MYO3B: variants seen among roughly 807,000 people sequenced by gnomAD.
The protein encoded by MYO3B is myosin IIIB.
A neutral mutation model predicts 174.6 loss-of-function variants in MYO3B; 156 were observed. That is an observed-to-expected ratio of 0.89 (90% CI 0.78 to 1.02). MYO3B has a LOEUF of 1.02. Among genes scored for constraint, MYO3B ranks in the 50% least tolerant of loss-of-function variants. The probability of loss-of-function intolerance (pLI) is 0.00; values close to 1 mark genes in which losing one functional copy is unlikely to be tolerated. For missense variants in MYO3B, 1,632 were observed against 1,639.4 expected (o/e 1.00, Z 0.08); for synonymous variants, 563 against 569.1 (o/e 0.99, Z 0.15).
chr2:170,437,673 A>G (rs2094764740), intron 22 of MYO3B, among the ~76,000 whole-genome samples: 2 of 152,276 alleles, frequency 1.3e-5, no homozygotes, highest in African/African-American at 4.8e-5. Context: ...GTAAATTTTT[A>G]TGCTTTTCAC....
chr2:170,371,613 A>G (rs1381091778), intron 9 of MYO3B, among the ~76,000 whole-genome samples: 1 of 152,008 alleles, frequency 6.6e-6, no homozygotes, highest in African/African-American at 2.4e-5. Context: ...TTTTCAGCCC[A>G]CCAGGAAAAA....
At chr2:170,463,473 G>T (rs1240228409) in intron 24 of MYO3B, 28 bp downstream of exon 24, 25 of 1,604,376 alleles carry the variant, frequency 1.6e-5, no homozygotes, top group Non-Finnish European at 2.1e-5. Flanking sequence ...TCTCTATTCT[G>T]CCTGCTTCCA....
rs140622821 is a variant in MYO3B at position 170,553,677 on chromosome 2, G to T, written c.3733+9689G>T. On this transcript the variant is annotated intron_variant, in intron 32 of 34. Coordinates refer to ENST00000408978, the MANE Select transcript of MYO3B (RefSeq NM_138995.5). ...CTTTGGGGGACTCTTGGGAAGGCAT[G>T]ATTGGTTTTGAAATGTGAGAAGGAC... Among the ~76,000 whole-genome samples the T allele has an allele frequency of 4.2e-3, 633 of 152,312 alleles. 7 individuals carry two copies. Among genetic ancestry groups the T allele is most frequent in the Middle Eastern group, 0.014 (4 of 294 alleles).
rs2094347851 is a variant in MYO3B at position 170,383,124 on chromosome 2, A to G, written c.1120A>G (p.Thr374Ala). 6.2e-7 allele frequency: 1 copy of G among 1,613,408 alleles called. No individual in the cohort carries two copies. ...ACGTTATGCAGACTTGCTAATTTAC[A>G]CATATGTTGGAGACATCTTAATTGC... ...QKRYADLLIY[T>A]YVGDILIALN... Residue 374 changes from threonine to alanine, a missense_variant, in exon 11 of 35, where the codon ACA becomes GCA. By Grantham distance (58) the Thr-to-Ala change is moderately conservative. Coordinates refer to ENST00000408978, the MANE Select transcript of MYO3B (RefSeq NM_138995.5).
At position 170,498,347 on chromosome 2, in the gene MYO3B, A is replaced by G. The variant is rs550666200; in HGVS notation, c.3015-245A>G. Among the ~76,000 whole-genome samples the G allele has an allele frequency of 6.0e-4, 92 of 152,354 alleles. 1 individual carries two copies. The highest frequency in any genetic ancestry group is 2.1e-3 in the African/African-American group (87 of 41,584). ...TGAATGCACTAGACACCAAGTATGC[A>G]CTGAATATGAATTACAAAGCAACAT... On this transcript the variant is annotated intron_variant, in intron 25 of 34. Coordinates refer to ENST00000408978, the MANE Select transcript of MYO3B (RefSeq NM_138995.5).
intron 28 of MYO3B, among the ~76,000 whole-genome samples, chr2:170,513,054 A>T (rs368052360): frequency 1.1e-3 from 171 of 152,338 alleles, no homozygotes; most frequent in African/African-American, 3.9e-3. Context: ...TTAAATAAAA[A>T]TAATGGAGCT....
chr2:170,392,315 T>C, intron 15 of MYO3B, 66 bp from the exon 16 acceptor site: 2 of 1,138,114 alleles, frequency 1.8e-6, no homozygotes, highest in Non-Finnish European at 2.5e-6. Flanking sequence ...AAACAAAAAA[T>C]GGAAATGCCT....
At chr2:170,238,482 T>C (rs2093096037) in intron 7 of MYO3B, among the ~76,000 whole-genome samples, 1 of 152,216 alleles carries the variant, frequency 6.6e-6, no homozygotes, top group Non-Finnish European at 1.5e-5. Context: ...AATGTGACTA[T>C]TTTCAGTGCT....
At chr2:170,551,775 G>C (rs1249466714) in intron 32 of MYO3B, among the ~76,000 whole-genome samples, 1 of 152,178 alleles carries the variant, frequency 6.6e-6, no homozygotes, top group African/African-American at 2.4e-5. Flanking sequence ...CAAATCTCAT[G>C]TTGAATTGTA....
At chr2:170,220,058 AC>A (rs1316244440) in intron 6 of MYO3B, among the ~76,000 whole-genome samples, 1 of 152,068 alleles carries the variant, frequency 6.6e-6, no homozygotes, top group Admixed American at 6.5e-5. Flanking sequence ...GGAGATCGAG[AC>A]CATCCTGGCT....
At chr2:170,245,719 C>T (rs1019386082) in intron 7 of MYO3B, among the ~76,000 whole-genome samples, 1 of 152,202 alleles carries the variant, frequency 6.6e-6, no homozygotes, top group Non-Finnish European at 1.5e-5. Context: ...TGTGGCTTCT[C>T]AATAGACAGG....
At chr2:170,386,592 C>T (rs946843636) in intron 13 of MYO3B, among the ~76,000 whole-genome samples, 1 of 152,078 alleles carries the variant, frequency 6.6e-6, no homozygotes, top group African/African-American at 2.4e-5. Flanking sequence ...GGGAAAGCCA[C>T]TATAGTGATT....
At chr2:170,481,313 C>T (rs1418620598) in intron 25 of MYO3B, among the ~76,000 whole-genome samples, 1 of 152,210 alleles carries the variant, frequency 6.6e-6, no homozygotes, top group Non-Finnish European at 1.5e-5. Flanking sequence ...CTGGAAATTG[C>T]TGGGTGCAGT....
intron 30 of MYO3B, among the ~76,000 whole-genome samples, chr2:170,537,019 G>C (rs993623836): frequency 6.6e-6 from 1 of 151,768 alleles, no homozygotes; most frequent in Non-Finnish European, 1.5e-5. Flanking sequence ...GGCCAACATA[G>C]TGAAACCCCA....
chr2:170,457,521 C>T (rs1683974996), intron 23 of MYO3B, among the ~76,000 whole-genome samples: 1 of 151,986 alleles, frequency 6.6e-6, no homozygotes, highest in African/African-American at 2.4e-5. Context: ...AACAAAGACA[C>T]CAACACATAC....
At chr2:170,266,176 A>T (rs983946017) in intron 7 of MYO3B, among the ~76,000 whole-genome samples, 3 of 152,138 alleles carry the variant, frequency 2.0e-5, no homozygotes, top group Non-Finnish European at 4.4e-5. Context: ...AGAAAAATTC[A>T]GTCAAAATTA....
chr2:170,318,999 T>A (rs1001528607), intron 7 of MYO3B, among the ~76,000 whole-genome samples: 2 of 152,204 alleles, frequency 1.3e-5, no homozygotes, highest in Non-Finnish European at 2.9e-5. Context: ...GTGGGGCTAA[T>A]CTTTCTTACC....
At chr2:170,551,012 C>G (rs753789482) in intron 32 of MYO3B, among the ~76,000 whole-genome samples, 3 of 65,180 alleles carry the variant, frequency 4.6e-5, no homozygotes, top group Non-Finnish European at 9.6e-5. Context: ...TTTTCTCATG[C>G]CTCAGCCTCC....
At position 170,482,525 on chromosome 2, in the gene MYO3B, C is replaced by G. The variant is rs192073481; in HGVS notation, c.3014+15814C>G. Among the ~76,000 whole-genome samples the G allele has an allele frequency of 3.3e-5, 5 of 152,338 alleles. No individual in the cohort carries two copies. The East Asian group carries it at 9.6e-4, about 29-fold the overall frequency. ...CTCCTCCTTGCCTTCTGCCATGATTCTGAGGCCTCCCCAGCCATGTGGAAC... is the reference window on the plus strand; with the variant it reads ...CTCCTCCTTGCCTTCTGCCATGATTGTGAGGCCTCCCCAGCCATGTGGAAC... On this transcript the variant is annotated intron_variant, in intron 25 of 34. Transcript: ENST00000408978.
Sources: gnomAD v4.1 joint callset for allele counts (sites outside exome capture counted in the v4.1 genomes callset) on GRCh38, gnomAD v4.1.1 for gene constraint, MANE v1.5 for transcripts, NCBI Gene and HGNC (gene_info 2026-07-23, HGNC 2026-07-21) for gene names.